Variants in CLTCL1 observed in about 807,000 individuals in gnomAD.
CLTCL1 encodes the protein clathrin heavy chain like 1, also known as clathrin heavy chain 2.
Under a neutral mutation model 190.0 loss-of-function variants are expected in CLTCL1, and 159 were observed. That is an observed-to-expected ratio of 0.84 (90% CI 0.74 to 0.95). The LOEUF is 0.95. CLTCL1 is among the 40% of genes least tolerant of loss of function. CLTCL1 has a pLI of 0.00. For synonymous variants in CLTCL1, 752 were observed against 769.6 expected (o/e 0.98, Z 0.38); for missense variants, 1,878 against 2,033.4 (o/e 0.92, Z 1.47).
intron 1 of CLTCL1, among the ~76,000 whole-genome samples, chr22:19,284,141 G>C (rs954228942): frequency 2.0e-5 from 3 of 152,176 alleles, no homozygotes; most frequent in Non-Finnish European, 2.9e-5. Flanking sequence ...GTATTAGTGA[G>C]AACATCAACT....
At chr22:19,236,411 C>A (rs557693882) in intron 5 of CLTCL1, among the ~76,000 whole-genome samples, 2 of 152,092 alleles carry the variant, frequency 1.3e-5, no homozygotes, top group African/African-American at 2.4e-5. Context: ...TTCCAGCATG[C>A]CTTCTACCAC....
chr22:19,259,408 CAACAACAAAA>C (rs1293159104), intron 2 of CLTCL1, among the ~76,000 whole-genome samples: 1 of 150,978 alleles, frequency 6.6e-6, no homozygotes, highest in East Asian at 1.9e-4. Flanking sequence ...TTGTGAACAA[CAACAACAAAA>C]AAAATCAAAG....
At chr22:19,269,871 A>C (rs2087248131) in intron 2 of CLTCL1, among the ~76,000 whole-genome samples, 1 of 152,090 alleles carries the variant, frequency 6.6e-6, no homozygotes, top group Non-Finnish European at 1.5e-5. Flanking sequence ...AGGGGAAGCA[A>C]ACTACCATGG....
At chr22:19,256,708 C>T (rs1286372224) in intron 2 of CLTCL1, among the ~76,000 whole-genome samples, 1 of 151,746 alleles carries the variant, frequency 6.6e-6, no homozygotes, top group Non-Finnish European at 1.5e-5. Flanking sequence ...CTATGCTGCC[C>T]AGGCTGGTCT....
intron 2 of CLTCL1, chr22:19,257,772 A>G: frequency 7.1e-7 from 1 of 1,408,114 alleles, no homozygotes; most frequent in Non-Finnish European, 9.5e-7. Context: ...GAAGGAGACC[A>G]TGCAAAGCCT....
At chr22:19,204,063 CTA>C (rs1555941400) in intron 22 of CLTCL1, among the ~76,000 whole-genome samples, 1 of 152,248 alleles carries the variant, frequency 6.6e-6, no homozygotes, top group East Asian at 1.9e-4. Flanking sequence ...CCATCCTCCT[CTA>C]TGCACTCCCT....
intron 17 of CLTCL1, among the ~76,000 whole-genome samples, chr22:19,220,801 C>T (rs1218913015): frequency 1.3e-5 from 2 of 152,204 alleles, no homozygotes; most frequent in African/African-American, 4.8e-5. Context: ...TAGGTAGGAA[C>T]AGTTCATACA....
chr22:19,284,921 C>T (rs1453859490), intron 1 of CLTCL1, among the ~76,000 whole-genome samples: 1 of 151,992 alleles, frequency 6.6e-6, no homozygotes, highest in Non-Finnish European at 1.5e-5. Flanking sequence ...TGCCACTGCA[C>T]TCCAGCCTGG....
chr22:19,245,251 T>C (rs1300428483), intron 3 of CLTCL1, among the ~76,000 whole-genome samples: 3 of 145,202 alleles, frequency 2.1e-5, no homozygotes, highest in African/African-American at 7.7e-5. Flanking sequence ...TGGAGTGCAG[T>C]GGCGTGACCT....
At chr22:19,186,942 C>CTTT (rs34819932) in intron 29 of CLTCL1, among the ~76,000 whole-genome samples, 2 of 145,088 alleles carry the variant, frequency 1.4e-5, no homozygotes. Flanking sequence ...TTCCTCAAAT[C>CTTT]TTTTTTTTTT....
At chr22:19,278,223 C>T (rs1555984517) in intron 1 of CLTCL1, among the ~76,000 whole-genome samples, 1 of 152,118 alleles carries the variant, frequency 6.6e-6, no homozygotes, top group Middle Eastern at 3.2e-3. Context: ...GTAGGGCCTG[C>T]CGTCCTCAGC....
At chr22:19,197,067 T>C (rs2072624898) in intron 24 of CLTCL1, among the ~76,000 whole-genome samples, 2 of 152,160 alleles carry the variant, frequency 1.3e-5, no homozygotes, top group Non-Finnish European at 2.9e-5. Context: ...GTTGTTTCAC[T>C]GTGTCCCTAA....
chr22:19,192,676 T>C (rs1040322929), intron 26 of CLTCL1, among the ~76,000 whole-genome samples: 4 of 152,236 alleles, frequency 2.6e-5, no homozygotes, highest in Non-Finnish European at 5.9e-5. Flanking sequence ...TACTGGCCAC[T>C]TCAGGGTGTC....
chr22:19,280,835 A>AC (rs1345444478), intron 1 of CLTCL1, among the ~76,000 whole-genome samples: 1 of 151,186 alleles, frequency 6.6e-6, no homozygotes, highest in Non-Finnish European at 1.5e-5. Context: ...AAAAAAAAAA[A>AC]AAAAGACAGT....
At chr22:19,265,364 A>C (rs2087088101) in intron 2 of CLTCL1, among the ~76,000 whole-genome samples, 1 of 152,192 alleles carries the variant, frequency 6.6e-6, no homozygotes, top group African/African-American at 2.4e-5. Flanking sequence ...TCAAATCCAC[A>C]AAAAGAAATA....
Position 19,225,540 on chromosome 22 carries a change from G to A in CLTCL1, c.2041C>T (p.Leu681=). The part of the protein sequence containing the change: ...LSANIRQNLQ[L]CVQVASKYHE... The stretch of plus-strand genomic sequence containing the variant: ...TACTTAGAGGCCACCTGCACACACA[G>A]CTGAAGGTTCTGTCTGATGTTAGCA... Residue 681 remains leucine (L), a synonymous_variant, in exon 13 of 33, where the codon CTG becomes TTG. Transcript: ENST00000427926. The A allele has an allele frequency of 6.3e-7, 1 of 1,588,508 alleles. No individual in the cohort carries two copies. The highest frequency in any genetic ancestry group is 1.1e-5 in the South Asian group (1 of 87,218).
chr22:19,184,413 G>A, intron 29 of CLTCL1: 1 of 453,434 alleles, frequency 2.2e-6, no homozygotes, highest in Non-Finnish European at 4.4e-6. Flanking sequence ...TTCCGTTTGG[G>A]AGACCCCTGA....
Position 19,196,555 on chromosome 22 carries a change from G to A in CLTCL1, c.3975C>T (p.Ser1325=). The change falls in exon 25 of 33, where the codon TCC becomes TCT. Residue 1325 remains serine (S), a synonymous_variant. Coordinates refer to ENST00000427926, the MANE Select transcript of CLTCL1 (RefSeq NM_007098.4). ...GMFTELAILY[S]KFKPQKMLEH... Reference sequence around the variant, plus strand: ...CCAGCATCTTCTGTGGCTTGAATTTGGAGTAGAGGATGGCCAGCTCAGTGA... The same window carrying A: ...CCAGCATCTTCTGTGGCTTGAATTTAGAGTAGAGGATGGCCAGCTCAGTGA... The A allele has an allele frequency of 1.2e-6, 2 of 1,613,948 alleles. No homozygotes were observed. The highest frequency in any genetic ancestry group is 8.5e-7 in the Non-Finnish European group (1 of 1,179,854).
At chr22:19,282,503 T>G (rs1212131130) in intron 1 of CLTCL1, among the ~76,000 whole-genome samples, 3 of 150,666 alleles carry the variant, frequency 2.0e-5, no homozygotes, top group Non-Finnish European at 3.0e-5. Flanking sequence ...CTAGGCCTGG[T>G]GGCATGTGCC....
Sources: gnomAD v4.1 joint callset for allele counts (sites outside exome capture counted in the v4.1 genomes callset) on GRCh38, gnomAD v4.1.1 for gene constraint, MANE v1.5 for transcripts, NCBI Gene and HGNC (gene_info 2026-07-23, HGNC 2026-07-21) for gene names.